PDS5B: variants seen among roughly 807,000 people sequenced by gnomAD.
PDS5B encodes the protein sister chromatid cohesion protein PDS5 homolog B.
PDS5B carries 51 observed loss-of-function variants against 184.1 expected under a neutral mutation model. The observed-to-expected ratio is 0.28, with a 90% CI of 0.22 to 0.35. PDS5B has a LOEUF of 0.35. PDS5B is among the 10% of genes least tolerant of loss of function. PDS5B has a pLI of 1.00. For missense variants in PDS5B, 1,180 were observed against 1,723.3 expected (o/e 0.68, Z 5.58); for synonymous variants, 566 against 569.2 (o/e 0.99, Z 0.08).
chr13:32,646,720 C>T (rs1950238119), intron 1 of PDS5B, among the ~76,000 whole-genome samples: 1 of 151,722 alleles, frequency 6.6e-6, no homozygotes, highest in Non-Finnish European at 1.5e-5. Context: ...TTCTTTTAAC[C>T]TGATTGTGTA....
intron 13 of PDS5B, 128 bp downstream of exon 13, chr13:32,688,697 A>G (rs1444282428): frequency 1.5e-6 from 1 of 665,948 alleles, no homozygotes; most frequent in Non-Finnish European, 2.7e-6. Flanking sequence ...TTAAAGGGTT[A>G]TGTCGTAGTA....
intron 1 of PDS5B, among the ~76,000 whole-genome samples, chr13:32,591,175 C>T (rs1180053262): frequency 6.6e-6 from 1 of 151,968 alleles, no homozygotes; most frequent in Non-Finnish European, 1.5e-5. Flanking sequence ...GTTGCCCAGA[C>T]TGGAGTGCAG....
intron 1 of PDS5B, 96 bp from the exon 2 acceptor site, chr13:32,648,658 T>TA (rs1387419844): frequency 1.7e-6 from 1 of 603,030 alleles, no homozygotes; most frequent in Non-Finnish European, 3.0e-6. Flanking sequence ...AGGAGGTAGT[T>TA]ACAAATTTTG....
chr13:32,719,261 C>T (rs1442259602), intron 19 of PDS5B, among the ~76,000 whole-genome samples: 3 of 152,170 alleles, frequency 2.0e-5, no homozygotes, highest in South Asian at 4.1e-4. Flanking sequence ...TGGCCCACTG[C>T]AGCCTCAACT....
intron 1 of PDS5B, among the ~76,000 whole-genome samples, chr13:32,639,596 C>T (rs779494790): frequency 1.4e-4 from 21 of 152,018 alleles, no homozygotes; most frequent in Admixed American, 2.6e-4. Context: ...CGTTTTTTCT[C>T]GTAGGAAAAA....
chr13:32,677,099 A>T (rs1305739450), intron 9 of PDS5B, among the ~76,000 whole-genome samples: 1 of 152,048 alleles, frequency 6.6e-6, no homozygotes, highest in Non-Finnish European at 1.5e-5. Context: ...TTAAAAGAGG[A>T]TATAAGTTGT....
chr13:32,606,644 T>A (rs1201935085), intron 1 of PDS5B, among the ~76,000 whole-genome samples: 1 of 152,224 alleles, frequency 6.6e-6, no homozygotes, highest in Non-Finnish European at 1.5e-5. Context: ...TTCTCCTGGA[T>A]AATATCCTGA....
intron 19 of PDS5B, among the ~76,000 whole-genome samples, chr13:32,719,791 C>CG (rs1338027922): frequency 8.3e-4 from 126 of 150,956 alleles, no homozygotes; most frequent in African/African-American, 3.0e-3. Flanking sequence ...GACCCCCCCC[C>CG]CTTTTTTTTT....
chr13:32,746,991 A>G (rs970343112), intron 24 of PDS5B, among the ~76,000 whole-genome samples: 10 of 152,244 alleles, frequency 6.6e-5, no homozygotes, highest in Non-Finnish European at 5.9e-5. Flanking sequence ...ATCGAAATTT[A>G]TACTTTTATA....
Position 32,759,704 on chromosome 13 carries a change from A to G in PDS5B, c.3372+14A>G. On this transcript the variant is annotated intron_variant, in intron 29 of 34. Coordinates refer to ENST00000315596, the MANE Select transcript of PDS5B (RefSeq NM_015032.4). ...ACTCCTGGAAAAGTATGTTTTGAGA[A>G]TCATTTTAATTTTTATGTGGTAGCT... 2 of 1,449,796 alleles carry G rather than the reference A, an allele frequency of 1.4e-6. No individual in the cohort carries two copies. Among genetic ancestry groups the G allele is most frequent in the Non-Finnish European group, 1.9e-6 (2 of 1,045,716 alleles). The allele number at this position is 1,449,796 out of a possible 1,614,324, so 89.8% of individuals were successfully genotyped here. A position where few individuals can be genotyped will look rare whatever the true frequency, so the allele number is the denominator to read the frequency against.
chr13:32,770,709 G>A lies in PDS5B; in HGVS notation c.4120G>A (p.Gly1374Arg), dbSNP rs1170774368. 11 of 1,610,618 alleles carry A rather than the reference G, an allele frequency of 6.8e-6. No individual in the cohort carries two copies. The highest frequency in any genetic ancestry group is 9.3e-6 in the Non-Finnish European group (11 of 1,178,466). Reference sequence around the variant, plus strand: ...ATCCACACAGTCCACACCACAGAAAGGACGAGGAAGACCATCAAAAACGCC... The same window carrying A: ...ATCCACACAGTCCACACCACAGAAAAGACGAGGAAGACCATCAAAAACGCC... Reference protein sequence around the residue: ...IESTQSTPQKGRGRPSKTPSP... With the variant: ...IESTQSTPQKRRGRPSKTPSP... Residue 1374 changes from glycine (G) to arginine (R), a missense_variant, in exon 33 of 35, where the codon GGA (glycine) becomes AGA (arginine). By Grantham distance (125) the Gly-to-Arg change is moderately radical. Around this residue, in one of 11 missense-constraint regions of PDS5B, gnomAD observed 465 missense variants for 497.8 expected, o/e 0.93. Transcript: ENST00000315596.
intron 1 of PDS5B, among the ~76,000 whole-genome samples, chr13:32,614,388 C>T (rs1283758178): frequency 6.6e-6 from 1 of 151,890 alleles, no homozygotes; most frequent in African/African-American, 2.4e-5. Flanking sequence ...ACCTCCGCCT[C>T]CCGGGTTCAG....
At chr13:32,649,769 CAG>C (rs1352726103) in intron 2 of PDS5B, 1 of 151,996 alleles carries the variant, frequency 6.6e-6, no homozygotes, top group Non-Finnish European at 1.5e-5. Context: ...CTTAAAGTAT[CAG>C]AATGTCAGAT....
intron 1 of PDS5B, among the ~76,000 whole-genome samples, chr13:32,618,439 T>C (rs1385225126): frequency 1.3e-5 from 2 of 152,090 alleles, no homozygotes; most frequent in Non-Finnish European, 2.9e-5. Context: ...GCTATTCTGC[T>C]CCATCCTGTC....
chr13:32,612,188 T>C (rs1389414244), intron 1 of PDS5B, among the ~76,000 whole-genome samples: 4 of 152,134 alleles, frequency 2.6e-5, no homozygotes, highest in African/African-American at 7.2e-5. Flanking sequence ...TTACCTGTAT[T>C]GGTATATGCC....
At chr13:32,705,668 A>G (rs946240535) in intron 17 of PDS5B, among the ~76,000 whole-genome samples, 8 of 152,162 alleles carry the variant, frequency 5.3e-5, no homozygotes, top group Non-Finnish European at 1.0e-4. Context: ...ATAATTGTCA[A>G]TGCATTACAA....
At chr13:32,655,921 A>G (rs1052176035) in intron 3 of PDS5B, among the ~76,000 whole-genome samples, 6 of 152,124 alleles carry the variant, frequency 3.9e-5, no homozygotes, top group Non-Finnish European at 7.4e-5. Flanking sequence ...CCAGAATGGT[A>G]TTTCCTAGGT....
chr13:32,731,249 C>A (rs1029514104), intron 19 of PDS5B, among the ~76,000 whole-genome samples: 3 of 151,982 alleles, frequency 2.0e-5, no homozygotes, highest in Admixed American at 1.3e-4. Context: ...TGGTATCAGG[C>A]AATGAGGAAG....
intron 10 of PDS5B, among the ~76,000 whole-genome samples, chr13:32,682,850 C>T (rs687416): frequency 0.7 from 106,618 of 152,010 alleles, 37,957 homozygotes; most frequent in African/African-American, 0.82. Flanking sequence ...CAGTGTTCTT[C>T]CTGGAAATAA....
Sources: gnomAD v4.1 joint callset for allele counts (sites outside exome capture counted in the v4.1 genomes callset) on GRCh38, gnomAD v4.1.1 for gene constraint, gnomAD v4.1.1 regional missense constraint, MANE v1.5 for transcripts, NCBI Gene and HGNC (gene_info 2026-07-23, HGNC 2026-07-21) for gene names.